NPHP4: variants seen among roughly 807,000 people sequenced by gnomAD.
The protein encoded by NPHP4 is nephrocystin-4.
A neutral mutation model predicts 155.8 loss-of-function variants in NPHP4; 151 were observed. That is an observed-to-expected ratio of 0.97 (90% confidence interval 0.85 to 1.11). The LOEUF (loss-of-function observed/expected upper bound fraction) is 1.11, where lower values mean the gene tolerates loss of function less well. Among genes scored for constraint, NPHP4 ranks in the 50% least tolerant of loss-of-function variants. The pLI is 0.00. For synonymous variants in NPHP4, 845 were observed against 816.8 expected, an observed-to-expected ratio of 1.03 and a Z score of -0.59; for missense variants, 1,956 against 1,925.7, an observed-to-expected ratio of 1.02 and a Z score of -0.29.
At chr1:5,869,950 G>A (rs777998153) in intron 23 of NPHP4, among the ~76,000 whole-genome samples, 7 of 152,188 alleles carry the variant, frequency 4.6e-5, no homozygotes, top group Admixed American at 6.5e-5. Context: ...ACAGTAGTCT[G>A]TGCACATACA....
chr1:5,938,715 C>T (rs1347164060), intron 9 of NPHP4, among the ~76,000 whole-genome samples: 1 of 152,208 alleles, frequency 6.6e-6, no homozygotes, highest in Non-Finnish European at 1.5e-5. Context: ...TTTACATAAA[C>T]GTGCTCTTTG....
At chr1:5,874,778 G>T in intron 21 of NPHP4, 96 bp downstream of exon 21, 1 of 1,514,932 alleles carries the variant, frequency 6.6e-7, no homozygotes, top group Non-Finnish European at 9.1e-7. Context: ...AAATCGCCCC[G>T]GCTCTCGGGC....
intron 6 of NPHP4, 122 bp from the exon 7 acceptor site, chr1:5,952,958 C>G: frequency 1.2e-6 from 1 of 823,902 alleles, no homozygotes; most frequent in Non-Finnish European, 1.8e-6. Context: ...GTGCTCGGGA[C>G]TCCCAGACAG....
intron 9 of NPHP4, among the ~76,000 whole-genome samples, chr1:5,938,426 G>A (rs1314769886): frequency 1.3e-5 from 2 of 152,192 alleles, no homozygotes. Context: ...GCCAGCAACA[G>A]CGGAGGTTCA....
chr1:5,895,781 A>G (rs17028870), intron 16 of NPHP4, among the ~76,000 whole-genome samples: 28,913 of 152,206 alleles, frequency 0.19, 3,064 homozygotes, highest in African/African-American at 0.28. Context: ...TAGAAATGAC[A>G]CAAACGTCTA....
In NPHP4 at chr1:5,885,856, G is replaced by C. The variant is rs184017949; in HGVS notation, c.2485+1430C>G. Reference sequence around the variant, plus strand: ...CAAAAAACGCAGAACTGACGGAGGAGAGCCAGGCTCGCTGCACTGATGCGC... The same window carrying C: ...CAAAAAACGCAGAACTGACGGAGGACAGCCAGGCTCGCTGCACTGATGCGC... On this transcript the variant is annotated intron_variant, in intron 18 of 29. Coordinates refer to ENST00000378156, the MANE Select transcript of NPHP4 (RefSeq NM_015102.5). Among the ~76,000 whole-genome samples the C allele has an allele frequency of 3.2e-3, 488 of 152,328 alleles. 3 individuals carry two copies. Among genetic ancestry groups the C allele is most frequent in the Non-Finnish European group, 4.8e-3 (328 of 68,030 alleles).
intron 16 of NPHP4, among the ~76,000 whole-genome samples, chr1:5,899,223 G>A (rs1467255024): frequency 1.3e-5 from 2 of 152,122 alleles, no homozygotes; most frequent in Non-Finnish European, 2.9e-5. Context: ...AAGCACACTC[G>A]CAGCAGCACT....
chr1:5,957,076 C>T (rs1649379912), intron 6 of NPHP4, among the ~76,000 whole-genome samples: 1 of 152,174 alleles, frequency 6.6e-6, no homozygotes, highest in Admixed American at 6.5e-5. Context: ...GACATGAACC[C>T]CACCGTGGCA....
intron 10 of NPHP4, among the ~76,000 whole-genome samples, chr1:5,932,936 G>T (rs1054390329): frequency 6.6e-6 from 1 of 152,120 alleles, no homozygotes; most frequent in African/African-American, 2.4e-5. Context: ...CAGGAAATCA[G>T]TATGTGAACA....
chr1:5,893,186 C>A (rs759459388), intron 16 of NPHP4, among the ~76,000 whole-genome samples: 1 of 152,084 alleles, frequency 6.6e-6, no homozygotes, highest in Non-Finnish European at 1.5e-5. Flanking sequence ...CTCACAGGGT[C>A]GGTGGGTCTC....
chr1:5,870,659 C>T (rs1287376086), intron 23 of NPHP4, among the ~76,000 whole-genome samples: 2 of 152,228 alleles, frequency 1.3e-5, no homozygotes, highest in African/African-American at 2.4e-5. Context: ...CAGATGTCAT[C>T]TTAACTGAAT....
At chr1:5,973,968 C>T (rs971223177) in intron 3 of NPHP4, among the ~76,000 whole-genome samples, 8 of 152,208 alleles carry the variant, frequency 5.3e-5, no homozygotes, top group Non-Finnish European at 1.0e-4. Flanking sequence ...CTGCCCTCTG[C>T]CGAGCAACAG....
intron 16 of NPHP4, 114 bp downstream of exon 16, chr1:5,904,503 A>C: frequency 2.6e-6 from 2 of 782,762 alleles, no homozygotes; most frequent in Non-Finnish European, 2.0e-6. Context: ...GTATGATTCT[A>C]ATGTTGCATA....
rs1187909790 is a variant in NPHP4 at position 5,887,193 on chromosome 1, GC to G, written c.2485+92del. 2.5e-6 allele frequency: 3 copies of G among 1,215,426 alleles called. No individual in the cohort carries two copies. The East Asian group carries it at 7.7e-5, about 31-fold the overall frequency. 75.3% of individuals were successfully genotyped at this position (1,215,426 alleles called of 1,614,324 possible). A position where few individuals can be genotyped will look rare whatever the true frequency, so the allele number is the denominator to read the frequency against. ...CCCGGTTTCCTCCTGGGCCCGTGAA[GC>G]CCATGATGTGGCCCCTGCCCGAGGG... On this transcript the variant is annotated intron_variant, in intron 18 of 29. Coordinates refer to ENST00000378156, the MANE Select transcript of NPHP4 (RefSeq NM_015102.5).
chr1:5,935,342 C>T (rs1437117569), intron 9 of NPHP4, among the ~76,000 whole-genome samples: 2 of 152,110 alleles, frequency 1.3e-5, no homozygotes, highest in Non-Finnish European at 2.9e-5. Context: ...ACAGGGTGAG[C>T]GGGGATTTGG....
At position 5,890,899 on chromosome 1, in the gene NPHP4, A is replaced by C. The variant is rs1557665327; in HGVS notation, c.2273T>G (p.Leu758Arg). The change falls in exon 17 of 30, where the codon CTG (leucine) becomes CGG (arginine). Residue 758 changes from leucine to arginine, a missense_variant. Leu to Arg is a moderately radical substitution (Grantham distance 102). Coordinates refer to ENST00000378156, the MANE Select transcript of NPHP4 (RefSeq NM_015102.5). This position sits in a 1 kb window ranked among gnomAD's most constrained non-coding sequence, Gnocchi z 4.9. Reference sequence around the variant, plus strand: ...CTGGACGGCAGCAGATCCGATGAGCAGCAGGGAGTCTCCGTCCCAGACGTC... The same window carrying C: ...CTGGACGGCAGCAGATCCGATGAGCCGCAGGGAGTCTCCGTCCCAGACGTC... ...QIDVWDGDSL[L>R]LIGSAAVQMK... 2 of 1,610,780 alleles carry C rather than the reference A, an allele frequency of 1.2e-6. No homozygotes were observed. Among genetic ancestry groups the C allele is most frequent in the Non-Finnish European group, 1.7e-6 (2 of 1,178,370 alleles).
chr1:5,969,142 G>A lies in NPHP4; in HGVS notation c.397C>T (p.Leu133Phe). Residue 133 changes from leucine (L) to phenylalanine (F), a missense_variant, in exon 4 of 30, where the codon CTT becomes TTT. Physicochemically the swap from Leu to Phe is conservative, Grantham distance 22. Transcript: ENST00000378156. ...TCCGGCTGGTTGCTGAAGATCCGAA[G>A]AATTCCAAACCCACAGGACAATGTC... The part of the protein sequence containing the change: ...LQTLSCGFGI[L>F]RIFSNQPDSP... 1 of 1,552,754 alleles carries A rather than the reference G, an allele frequency of 6.4e-7. No individual in the cohort carries two copies. Among genetic ancestry groups the A allele is most frequent in the South Asian group, 1.2e-5 (1 of 84,090 alleles).
At chr1:5,883,168 C>T (rs1194571613) in intron 18 of NPHP4, among the ~76,000 whole-genome samples, 1 of 152,212 alleles carries the variant, frequency 6.6e-6, no homozygotes, top group Non-Finnish European at 1.5e-5. Context: ...GGCAGACAAA[C>T]AAGCAGGCTG....
At chr1:5,949,305 C>T (rs953449566) in intron 7 of NPHP4, among the ~76,000 whole-genome samples, 3 of 147,632 alleles carry the variant, frequency 2.0e-5, no homozygotes, top group African/African-American at 5.0e-5. Flanking sequence ...TTTTCAAGAA[C>T]GGGTAGGGAG....
Sources: gnomAD v4.1 joint callset for allele counts (sites outside exome capture counted in the v4.1 genomes callset) on GRCh38, gnomAD v4.1.1 for gene constraint, Gnocchi (gnomAD v3.1) non-coding constraint, MANE v1.5 for transcripts, NCBI Gene and HGNC (gene_info 2026-07-23, HGNC 2026-07-21) for gene names.